CSMD1: variants seen among roughly 807,000 people sequenced by gnomAD.
The protein encoded by CSMD1 is CUB and sushi domain-containing protein 1.
Under a neutral mutation model 417.5 loss-of-function variants are expected in CSMD1, and 213 were observed. The ratio of observed to expected loss-of-function variants is 0.51; its 90% confidence interval spans 0.46 to 0.57. The LOEUF (loss-of-function observed/expected upper bound fraction) is 0.57, where lower values mean the gene tolerates loss of function less well. Among genes scored for constraint, CSMD1 ranks in the 20% least tolerant of loss-of-function variants. The pLI is 0.00. For synonymous variants in CSMD1, 2,862 were observed against 1,736.8 expected, an observed-to-expected ratio of 1.65 and a Z score of -16.11; for missense variants, 6,923 against 4,529.7, an observed-to-expected ratio of 1.53 and a Z score of -15.17.
chr8:3,032,805 T>C (rs1810430342), intron 50 of CSMD1, among the ~76,000 whole-genome samples: 1 of 152,080 alleles, frequency 6.6e-6, no homozygotes, highest in African/African-American at 2.4e-5. Context: ...TGCTTAGTTT[T>C]GGCGCAAAAT....
At chr8:3,598,591 C>A (rs947356591) in intron 8 of CSMD1, among the ~76,000 whole-genome samples, 1 of 152,136 alleles carries the variant, frequency 6.6e-6, no homozygotes, top group African/African-American at 2.4e-5. Context: ...TCTGTTGTTC[C>A]TTCTTTTATT....
intron 1 of CSMD1, among the ~76,000 whole-genome samples, chr8:4,987,759 C>G (rs1811257110): frequency 6.6e-6 from 1 of 152,106 alleles, no homozygotes; most frequent in Middle Eastern, 3.2e-3. Context: ...TGGGTGGGCA[C>G]CAGCTCATCA....
At chr8:4,070,806 T>A (rs1799516295) in intron 3 of CSMD1, among the ~76,000 whole-genome samples, 1 of 152,192 alleles carries the variant, frequency 6.6e-6, no homozygotes. Context: ...TCCTCTGATT[T>A]TCTGACTCAC....
chr8:3,548,494 T>C (rs1201905017), intron 10 of CSMD1, among the ~76,000 whole-genome samples: 3 of 151,944 alleles, frequency 2.0e-5, no homozygotes, highest in Non-Finnish European at 4.4e-5. Context: ...GCCACTCTTA[T>C]GCCTTTCCAT....
chr8:3,564,780 G>C (rs866916268), intron 10 of CSMD1, among the ~76,000 whole-genome samples: 4 of 151,936 alleles, frequency 2.6e-5, no homozygotes, highest in Admixed American at 1.3e-4. Context: ...GATCTTGAAA[G>C]GGGTGATGAC....
chr8:3,653,244 A>G (rs1451142072), intron 7 of CSMD1, among the ~76,000 whole-genome samples: 2 of 152,142 alleles, frequency 1.3e-5, no homozygotes, highest in Non-Finnish European at 2.9e-5. Flanking sequence ...TGTCTCATAT[A>G]AATATCAAAT....
chr8:4,601,820 G>C (rs75319646), intron 2 of CSMD1, among the ~76,000 whole-genome samples: 1 of 152,116 alleles, frequency 6.6e-6, no homozygotes, highest in Non-Finnish European at 1.5e-5. Flanking sequence ...GTCTGAGCAT[G>C]TCTGAGGTTA....
chr8:2,944,407 G>A (rs1401741889), intron 68 of CSMD1, among the ~76,000 whole-genome samples: 1 of 152,202 alleles, frequency 6.6e-6, no homozygotes, highest in Non-Finnish European at 1.5e-5. Context: ...GTGACAAGGG[G>A]TGGTGCTGTC....
chr8:4,310,672 G>A (rs1341599904), intron 3 of CSMD1, among the ~76,000 whole-genome samples: 2 of 152,112 alleles, frequency 1.3e-5, no homozygotes, highest in South Asian at 2.1e-4. Flanking sequence ...TTTAGGGGTG[G>A]CAAAACAAAG....
intron 23 of CSMD1, among the ~76,000 whole-genome samples, chr8:3,341,166 G>A (rs1549313): frequency 0.44 from 66,783 of 151,848 alleles, 14,831 homozygotes; most frequent in Admixed American, 0.53. Context: ...GCTGAGCCTC[G>A]CCCACTGACG....
intron 5 of CSMD1, among the ~76,000 whole-genome samples, chr8:3,801,633 G>C (rs2129072774): frequency 1.3e-5 from 1 of 74,386 alleles, no homozygotes; most frequent in South Asian, 4.2e-4. Flanking sequence ...TTCTACCCAA[G>C]AAAACTGAAA....
chr8:3,118,060 C>T (rs1414641921), intron 42 of CSMD1, among the ~76,000 whole-genome samples: 1 of 152,096 alleles, frequency 6.6e-6, no homozygotes, highest in African/African-American at 2.4e-5. Flanking sequence ...CTGATATAAC[C>T]ACTGTAAAGC....
Position 3,387,609 on chromosome 8 carries a change from A to G in CSMD1, c.2667T>C (p.Phe889=). The part of the protein sequence containing the change: ...PVNGHRHGGD[F]GIRSTVTFSC... Reference sequence around the variant, plus strand: ...TGAAAGTCACTGTGGACCTGATGCCAAAGTCTCCACCGTGGCGATGGCCGT... The same window carrying G: ...TGAAAGTCACTGTGGACCTGATGCCGAAGTCTCCACCGTGGCGATGGCCGT... The change falls in exon 18 of 70, where the codon TTT becomes TTC. Residue 889 remains phenylalanine, a synonymous_variant. Transcript: ENST00000635120. The G allele has an allele frequency of 6.2e-7, 1 of 1,601,884 alleles. No homozygotes were observed. Among genetic ancestry groups the G allele is most frequent in the Non-Finnish European group, 8.5e-7 (1 of 1,174,104 alleles).
In CSMD1 at chr8:3,190,055, C is replaced by T. The variant is rs771917352; in HGVS notation, c.5255G>A (p.Arg1752Lys). ...SSVPEPRYGR[R>K]IGSEFSAGSI... ...GCCGGCAGAAAACTCAGAACCAATT[C>T]TCCTTCCGTATCTGGGCTCGGGGAC... Residue 1752 changes from arginine to lysine, a missense_variant, in exon 34 of 70, where the codon AGA becomes AAA. By Grantham distance (26) the Arg-to-Lys change is conservative. Coordinates refer to ENST00000635120, the MANE Select transcript of CSMD1 (RefSeq NM_033225.6). 6.3e-7 allele frequency: 1 copy of T among 1,595,674 alleles called. No individual in the cohort carries two copies. Among genetic ancestry groups the T allele is most frequent in the Non-Finnish European group, 8.5e-7 (1 of 1,171,372 alleles).
intron 3 of CSMD1, among the ~76,000 whole-genome samples, chr8:4,350,311 T>C (rs1801018923): frequency 6.6e-6 from 1 of 152,192 alleles, no homozygotes; most frequent in Admixed American, 6.5e-5. Flanking sequence ...ACTTGAGGTC[T>C]AACAGGCTGA....
chr8:4,442,734 G>C (rs1180833500), intron 2 of CSMD1, among the ~76,000 whole-genome samples: 5 of 152,042 alleles, frequency 3.3e-5, no homozygotes, highest in African/African-American at 4.8e-5. Flanking sequence ...AATACAATCA[G>C]TCACTATTTT....
At chr8:4,521,453 T>G (rs1334272945) in intron 2 of CSMD1, among the ~76,000 whole-genome samples, 1 of 152,240 alleles carries the variant, frequency 6.6e-6, no homozygotes, top group Non-Finnish European at 1.5e-5. Context: ...TGCTGCATTT[T>G]ATGTTGTTCT....
At chr8:3,944,180 G>T (rs139215144) in intron 5 of CSMD1, among the ~76,000 whole-genome samples, 2 of 152,076 alleles carry the variant, frequency 1.3e-5, no homozygotes, top group African/African-American at 2.4e-5. Flanking sequence ...CAACACTTTT[G>T]TAAGTCTGAA....
At chr8:3,213,589 T>C (rs1797730124) in intron 30 of CSMD1, among the ~76,000 whole-genome samples, 1 of 152,050 alleles carries the variant, frequency 6.6e-6, no homozygotes. Flanking sequence ...ACTATTGCTG[T>C]TTTGGGGGGA....
Sources: gnomAD v4.1 joint callset for allele counts (sites outside exome capture counted in the v4.1 genomes callset) on GRCh38, gnomAD v4.1.1 for gene constraint, MANE v1.5 for transcripts, NCBI Gene and HGNC (gene_info 2026-07-23, HGNC 2026-07-21) for gene names.